FBXL17: variants seen among roughly 807,000 people sequenced by gnomAD.
FBXL17 encodes F-box and leucine rich repeat protein 17.
FBXL17 carries 22 observed loss-of-function variants against 66.2 expected under a neutral mutation model. The ratio of observed to expected loss-of-function variants is 0.33; its 90% CI spans 0.24 to 0.47. The LOEUF (loss-of-function observed/expected upper bound fraction) is 0.47. FBXL17 is among the 20% of genes least tolerant of loss of function. The pLI, the probability that FBXL17 is intolerant of heterozygous loss-of-function variation, is 1.00. For missense variants in FBXL17, 878 were observed against 948.2 expected, an observed-to-expected ratio of 0.93 and a Z score of 0.97; for synonymous variants, 474 against 400.5, an observed-to-expected ratio of 1.18 and a Z score of -2.19.
intron 6 of FBXL17, among the ~76,000 whole-genome samples, chr5:108,138,396 G>A (rs1042947258): frequency 2.6e-5 from 4 of 152,056 alleles, no homozygotes; most frequent in Non-Finnish European, 5.9e-5. Context: ...TATCAATAAC[G>A]TTGGTAAAAG....
chr5:108,288,264 T>C (rs1298929253), intron 4 of FBXL17, among the ~76,000 whole-genome samples: 1 of 142,854 alleles, frequency 7.0e-6, no homozygotes, highest in Non-Finnish European at 1.5e-5. Context: ...GAGCCTAAAA[T>C]AAAAGTTCAA....
chr5:108,194,528 G>C (rs1289786043), intron 5 of FBXL17, among the ~76,000 whole-genome samples: 3 of 152,136 alleles, frequency 2.0e-5, no homozygotes, highest in Non-Finnish European at 4.4e-5. Context: ...CAACTACTTA[G>C]GAATGCCCTC....
intron 6 of FBXL17, among the ~76,000 whole-genome samples, chr5:108,155,926 T>C (rs889026231): frequency 6.6e-6 from 1 of 152,306 alleles, no homozygotes; most frequent in Admixed American, 6.5e-5. Context: ...CAAAATTACA[T>C]AATTCTTATA....
In FBXL17 at chr5:108,195,413, T is replaced by C. The variant is rs941318801; in HGVS notation, c.1615-9166A>G. 9.2e-5 allele frequency among the ~76,000 whole-genome samples: 14 copies of C among 152,166 alleles called. No homozygotes were observed. The East Asian group carries it at 1.5e-3, about 17-fold the overall frequency. On this transcript the variant is annotated intron_variant, in intron 5 of 8. Transcript: ENST00000542267. ...TGCAAAGGCCCTGAGATGGAAACTG[T>C]CCCAGCACTTTGGAAGATGAGTAAG...
chr5:107,972,017 C>T (rs1472710137), intron 7 of FBXL17, among the ~76,000 whole-genome samples: 1 of 152,192 alleles, frequency 6.6e-6, no homozygotes, highest in Admixed American at 6.5e-5. Context: ...CCTCTCTGAA[C>T]ATGTATTTGA....
At chr5:107,996,798 G>T (rs754343439) in intron 7 of FBXL17, among the ~76,000 whole-genome samples, 1 of 152,106 alleles carries the variant, frequency 6.6e-6, no homozygotes, top group Non-Finnish European at 1.5e-5. Context: ...CACAAGGTTG[G>T]GTTTTGAACT....
chr5:108,125,307 T>C (rs1050182452), intron 6 of FBXL17, among the ~76,000 whole-genome samples: 4 of 151,964 alleles, frequency 2.6e-5, no homozygotes, highest in African/African-American at 9.7e-5. Flanking sequence ...CCTGTAAAAA[T>C]TAAATAAATA....
chr5:108,014,389 T>C (rs1754300483), intron 7 of FBXL17, among the ~76,000 whole-genome samples: 1 of 152,112 alleles, frequency 6.6e-6, no homozygotes, highest in South Asian at 2.1e-4. Flanking sequence ...ACAGGTTCAT[T>C]TGTCTTTTAA....
intron 7 of FBXL17, among the ~76,000 whole-genome samples, chr5:107,991,392 G>A (rs1206081541): frequency 1.3e-5 from 2 of 152,160 alleles, no homozygotes; most frequent in Non-Finnish European, 2.9e-5. Flanking sequence ...CTTTTGGGGG[G>A]TGGGGTTGAG....
chr5:108,001,046 T>C (rs1357288122), intron 7 of FBXL17, among the ~76,000 whole-genome samples: 1 of 152,196 alleles, frequency 6.6e-6, no homozygotes, highest in African/African-American at 2.4e-5. Flanking sequence ...TAAAATGATC[T>C]GCAAATATAA....
intron 7 of FBXL17, among the ~76,000 whole-genome samples, chr5:108,016,406 C>T (rs1233351739): frequency 1.3e-5 from 2 of 152,026 alleles, no homozygotes; most frequent in East Asian, 3.9e-4. Flanking sequence ...TTCCAGTCCT[C>T]TTTAATTAAA....
intron 1 of FBXL17, among the ~76,000 whole-genome samples, chr5:108,375,708 G>A (rs756578085): frequency 1.3e-5 from 2 of 152,136 alleles, no homozygotes; most frequent in African/African-American, 2.4e-5. Context: ...CAATAAGAAT[G>A]AACACCAATC....
At chr5:108,177,656 G>A (rs979355484) in intron 6 of FBXL17, among the ~76,000 whole-genome samples, 3 of 151,900 alleles carry the variant, frequency 2.0e-5, no homozygotes, top group African/African-American at 7.3e-5. Context: ...GGAAGACAGT[G>A]AGCCCTTCAT....
intron 7 of FBXL17, among the ~76,000 whole-genome samples, chr5:107,920,899 C>A (rs1750297617): frequency 6.6e-6 from 1 of 152,112 alleles, no homozygotes; most frequent in Non-Finnish European, 1.5e-5. Flanking sequence ...AATTGCTCCA[C>A]AATCTCACTA....
At chr5:107,867,647 C>A (rs564562005) in intron 8 of FBXL17, among the ~76,000 whole-genome samples, 1 of 152,198 alleles carries the variant, frequency 6.6e-6, no homozygotes, top group Non-Finnish European at 1.5e-5. Flanking sequence ...AAATTGTGGA[C>A]AGGTCTCCTG....
intron 4 of FBXL17, among the ~76,000 whole-genome samples, chr5:108,293,912 A>G (rs756313996): frequency 1.3e-5 from 2 of 151,590 alleles, no homozygotes; most frequent in Non-Finnish European, 2.9e-5. Flanking sequence ...ATGGTGGCAC[A>G]TGCCTGTAAT....
rs924249927 is a variant in FBXL17 at position 108,172,411 on chromosome 5, G to A, written c.1745+13706C>T. 3.3e-5 allele frequency among the ~76,000 whole-genome samples: 5 copies of A among 152,222 alleles called. No homozygotes were observed. In the East Asian group the frequency reaches 7.7e-4, roughly 24 times the overall value. On this transcript the variant is annotated intron_variant, in intron 6 of 8. Coordinates refer to ENST00000542267, the MANE Select transcript of FBXL17 (RefSeq NM_001163315.3). ...AAAAGACTCCACCTTTTGATGGGAG[G>A]ACAGGCAACGTCATATTGCACAAAA...
chr5:107,949,222 A>T (rs1272980145), intron 7 of FBXL17, among the ~76,000 whole-genome samples: 1 of 151,756 alleles, frequency 6.6e-6, no homozygotes, highest in Non-Finnish European at 1.5e-5. Flanking sequence ...TTAGACCATG[A>T]TGTTACTTAT....
chr5:108,044,925 T>C (rs1013694889), intron 6 of FBXL17, among the ~76,000 whole-genome samples: 1 of 152,224 alleles, frequency 6.6e-6, no homozygotes, highest in Admixed American at 6.5e-5. Context: ...TTTATGTGTG[T>C]AGAATTGTTT....
Sources: allele counts gnomAD v4.1 joint callset (sites outside exome capture counted in the v4.1 genomes callset), GRCh38; gene constraint gnomAD v4.1.1; transcripts MANE v1.5; gene names NCBI Gene and HGNC (gene_info 2026-07-23, HGNC 2026-07-21).